The following STAU2 variants were observed in gnomAD, a reference collection of about 807,000 sequenced individuals.
The protein encoded by STAU2 is double-stranded RNA-binding protein Staufen homolog 2.
In STAU2, 20 loss-of-function variants were observed where a neutral mutation model predicts 65.9. That is an observed-to-expected ratio of 0.30 (90% CI 0.21 to 0.44). The LOEUF (loss-of-function observed/expected upper bound fraction) is 0.44, where lower values mean the gene tolerates loss of function less well. Among genes scored for constraint, STAU2 ranks in the 20% least tolerant of loss-of-function variants. The pLI, the probability that STAU2 is intolerant of heterozygous loss-of-function variation, is 1.00. For synonymous variants in STAU2, 232 were observed against 233.9 expected (o/e 0.99, Z 0.07); for missense variants, 558 against 683.9 (o/e 0.82, Z 2.05).
At chr8:73,588,589 G>T (rs1001808283) in intron 11 of STAU2, among the ~76,000 whole-genome samples, 2 of 152,150 alleles carry the variant, frequency 1.3e-5, no homozygotes, top group Non-Finnish European at 2.9e-5. Context: ...GCCACCGGGG[G>T]AAGGGTAGAA....
intron 5 of STAU2, among the ~76,000 whole-genome samples, chr8:73,682,751 C>T (rs1191091548): frequency 2.0e-5 from 3 of 151,852 alleles, no homozygotes; most frequent in Non-Finnish European, 4.4e-5. Context: ...ACAGAAGATC[C>T]AAATAAGCTC....
At chr8:73,711,131 CAAAAA>C (rs751087630) in intron 3 of STAU2, among the ~76,000 whole-genome samples, 5 of 31,104 alleles carry the variant, frequency 1.6e-4, no homozygotes, top group South Asian at 1.6e-3. Flanking sequence ...AAGTGGCTTG[CAAAAA>C]AAAAAAAAAA....
chr8:73,642,342 G>A (rs1815051645), intron 6 of STAU2, among the ~76,000 whole-genome samples: 1 of 152,074 alleles, frequency 6.6e-6, no homozygotes, highest in Non-Finnish European at 1.5e-5. Context: ...GGCCAACATG[G>A]TGAAACCCCA....
At chr8:73,680,219 T>C (rs1818334314) in intron 5 of STAU2, among the ~76,000 whole-genome samples, 1 of 151,760 alleles carries the variant, frequency 6.6e-6, no homozygotes, top group Non-Finnish European at 1.5e-5. Flanking sequence ...CAGAAGCCAC[T>C]GCAGGCATGG....
At chr8:73,451,354 T>C (rs1313835235) in intron 13 of STAU2, among the ~76,000 whole-genome samples, 1 of 152,076 alleles carries the variant, frequency 6.6e-6, no homozygotes, top group Non-Finnish European at 1.5e-5. Flanking sequence ...TTCTCAGGAC[T>C]GGACAAGATG....
Position 73,589,749 on chromosome 8 carries a change from AAG to A in STAU2, c.1161+5415_1161+5416del, listed in dbSNP as rs1810631621. 1.3e-5 allele frequency among the ~76,000 whole-genome samples: 2 copies of A among 152,166 alleles called. 1 individual carries two copies. Among genetic ancestry groups the A allele is most frequent in the South Asian group, 4.1e-4 (2 of 4,838 alleles). ...ATGTATAAATGGAAACTCCAAGGAAAAGAGGGAGAAAACAAGGAATAAAATAT... is the reference window on the plus strand; with the variant it reads ...ATGTATAAATGGAAACTCCAAGGAAAAGGGAGAAAACAAGGAATAAAATAT... On this transcript the variant is annotated intron_variant, in intron 11 of 14. Transcript: ENST00000524300.
intron 12 of STAU2, among the ~76,000 whole-genome samples, chr8:73,569,257 G>A (rs1401154901): frequency 2.6e-5 from 4 of 152,094 alleles, no homozygotes; most frequent in Non-Finnish European, 5.9e-5. Context: ...AGTGAGGCTG[G>A]GGGAGGGCCG....
intron 3 of STAU2, among the ~76,000 whole-genome samples, chr8:73,727,147 T>C (rs1263443173): frequency 6.6e-6 from 1 of 152,114 alleles, no homozygotes; most frequent in African/African-American, 2.4e-5. Context: ...GGAGAATCCC[T>C]TGAACCCGGG....
chr8:73,645,425 G>A (rs1815296622), intron 6 of STAU2, among the ~76,000 whole-genome samples: 1 of 152,078 alleles, frequency 6.6e-6, no homozygotes, highest in African/African-American at 2.4e-5. Flanking sequence ...AAAAAACTAG[G>A]AAGAAGAACA....
chr8:73,523,793 G>C (rs1013551709), intron 13 of STAU2, among the ~76,000 whole-genome samples: 1 of 152,214 alleles, frequency 6.6e-6, no homozygotes, highest in African/African-American at 2.4e-5. Context: ...AGTTGGATAA[G>C]TGGAGGGGGC....
chr8:73,700,215 T>C (rs1287256078), intron 4 of STAU2, among the ~76,000 whole-genome samples: 1 of 152,122 alleles, frequency 6.6e-6, no homozygotes, highest in Non-Finnish European at 1.5e-5. Flanking sequence ...ACTAGTATCA[T>C]AATGAATGGG....
intron 3 of STAU2, among the ~76,000 whole-genome samples, chr8:73,710,241 T>C (rs1366761788): frequency 6.6e-6 from 1 of 151,998 alleles, no homozygotes; most frequent in Non-Finnish European, 1.5e-5. Flanking sequence ...TTTTCTCCAC[T>C]ACTATTTTAT....
intron 10 of STAU2, among the ~76,000 whole-genome samples, chr8:73,597,340 TG>T (rs1393066282): frequency 2.0e-5 from 3 of 151,974 alleles, no homozygotes. Flanking sequence ...CCATCACTTC[TG>T]TAGCATTACA....
chr8:73,473,545 G>A (rs576716057), intron 13 of STAU2, among the ~76,000 whole-genome samples: 5 of 152,296 alleles, frequency 3.3e-5, no homozygotes, highest in Non-Finnish European at 7.4e-5. Context: ...TCAGATATAT[G>A]GATATGCGAT....
chr8:73,520,366 T>C (rs956039378), intron 13 of STAU2, among the ~76,000 whole-genome samples: 6 of 152,250 alleles, frequency 3.9e-5, no homozygotes, highest in Non-Finnish European at 8.8e-5. Flanking sequence ...GATTATATGT[T>C]GAGATGATAT....
chr8:73,634,795 C>T (rs1008983337), intron 6 of STAU2, among the ~76,000 whole-genome samples: 28 of 152,200 alleles, frequency 1.8e-4, no homozygotes, highest in Admixed American at 1.4e-3. Flanking sequence ...CTCACTCTCT[C>T]ACCTTCTTAA....
At chr8:73,574,919 T>C (rs1809410565) in intron 12 of STAU2, among the ~76,000 whole-genome samples, 1 of 151,062 alleles carries the variant, frequency 6.6e-6, no homozygotes, top group Non-Finnish European at 1.5e-5. Flanking sequence ...AATAAATAAA[T>C]AAATAAAATA....
At chr8:73,744,305 T>C (rs1403273089) in intron 1 of STAU2, among the ~76,000 whole-genome samples, 1 of 152,074 alleles carries the variant, frequency 6.6e-6, no homozygotes, top group East Asian at 1.9e-4. Flanking sequence ...CACAAATATA[T>C]CTATATGTGA....
At chr8:73,636,307 G>T (rs1814508679) in intron 6 of STAU2, among the ~76,000 whole-genome samples, 1 of 151,918 alleles carries the variant, frequency 6.6e-6, no homozygotes, top group Admixed American at 6.6e-5. Flanking sequence ...AGCCTGGGAG[G>T]TGGAGGTTGC....
Sources: gnomAD v4.1 joint callset for allele counts (sites outside exome capture counted in the v4.1 genomes callset) on GRCh38, gnomAD v4.1.1 for gene constraint, MANE v1.5 for transcripts, NCBI Gene and HGNC (gene_info 2026-07-23, HGNC 2026-07-21) for gene names.